SRP72: variants seen among roughly 807,000 people sequenced by gnomAD.
SRP72 encodes signal recognition particle subunit SRP72.
Under a neutral mutation model 96.3 loss-of-function variants are expected in SRP72, and 49 were observed. The observed-to-expected ratio is 0.51, with a 90% CI of 0.40 to 0.65. The LOEUF (loss-of-function observed/expected upper bound fraction) is 0.65, where lower values mean the gene tolerates loss of function less well. Among genes scored for constraint, SRP72 ranks in the 30% least tolerant of loss-of-function variants. The probability of loss-of-function intolerance (pLI) is 0.00; values close to 1 mark genes in which losing one functional copy is unlikely to be tolerated. For missense variants in SRP72, 736 were observed against 793.3 expected (o/e 0.93, Z 0.87); for synonymous variants, 267 against 275.2 (o/e 0.97, Z 0.30).
Position 56,489,451 on chromosome 4 carries a change from A to C in SRP72, c.1288A>C (p.Thr430Pro). 1 of 1,601,518 alleles carries C rather than the reference A, an allele frequency of 6.2e-7. No homozygotes were observed. Among genetic ancestry groups the C allele is most frequent in the East Asian group, 2.2e-5 (1 of 44,716 alleles). ...EDIDSAIEVF[T>P]QAIQWYQNHQ... ...TATTGATAGTGCCATTGAGGTCTTC[A>C]CACAAGCTATCCAGTGGTATCAAAA... The change falls in exon 13 of 19, where the codon ACA becomes CCA. Residue 430 changes from threonine to proline, a missense_variant. Around this residue, in one of 3 missense-constraint regions of SRP72, gnomAD observed 388 missense variants for 431.8 expected, o/e 0.90. Transcript: ENST00000642900.
chr4:56,473,965 T>TA, intron 3 of SRP72, 89 bp from the exon 4 acceptor site: 1 of 1,329,624 alleles, frequency 7.5e-7, no homozygotes, highest in South Asian at 1.5e-5. Context: ...CTAGGATTCC[T>TA]ACTTAGTGGT....
chr4:56,476,683 G>A lies in SRP72; in HGVS notation c.623G>A (p.Arg208His), dbSNP rs369761160. ...ILQKAEDLCR[R>H]SLSEDTDGTE... ...TTTTCTCCTGTAGATCTTTGCCGCC[G>A]TTCATTATCAGAAGACACTGTAAGT... Residue 208 changes from arginine to histidine, a missense_variant, in exon 6 of 19, where the codon CGT (arginine) becomes CAT (histidine). Arg to His is a conservative substitution (Grantham distance 29). Around this residue, in one of 3 missense-constraint regions of SRP72, gnomAD observed 329 missense variants for 319.0 expected, o/e 1.03. Coordinates refer to ENST00000642900, the MANE Select transcript of SRP72 (RefSeq NM_006947.4). 230 of 1,612,292 alleles carry A rather than the reference G, an allele frequency of 1.4e-4. No individual in the cohort carries two copies. The highest frequency in any genetic ancestry group is 3.4e-4 in the East Asian group (15 of 44,748).
At chr4:56,485,626 C>A (rs976452245) in intron 10 of SRP72, among the ~76,000 whole-genome samples, 1 of 151,968 alleles carries the variant, frequency 6.6e-6, no homozygotes, top group African/African-American at 2.4e-5. Flanking sequence ...CATGTTGAAA[C>A]CCCATCTCTA....
rs372041101 is a variant in SRP72, at chr4:56,469,657, A to G, written c.114A>G (p.Leu38=). ...TRALKTVNKI[L]QINKDDVTAL... is the part of the protein sequence containing the mutation. ...TTTCCTAAAATTGTTCTCTAGTACT[A>G]CAGATCAACAAAGATGACGTAACTG... The change falls in exon 2 of 19, where the codon CTA becomes CTG. Residue 38 remains leucine (L), a synonymous_variant. Coordinates refer to ENST00000642900, the MANE Select transcript of SRP72 (RefSeq NM_006947.4). 36 of 1,601,828 alleles carry G rather than the reference A, an allele frequency of 2.2e-5. No homozygotes were observed. The African/African-American group carries it at 2.9e-4, about 13-fold the overall frequency.
intron 2 of SRP72, among the ~76,000 whole-genome samples, chr4:56,471,162 A>G (rs1046904425): frequency 6.6e-6 from 1 of 152,098 alleles, no homozygotes; most frequent in African/African-American, 2.4e-5. Flanking sequence ...TTTGATAAAT[A>G]TTTTTCCTCA....
chr4:56,483,696 T>C (rs1482477546), intron 9 of SRP72, among the ~76,000 whole-genome samples: 2 of 152,090 alleles, frequency 1.3e-5, no homozygotes, highest in Non-Finnish European at 2.9e-5. Flanking sequence ...GAAAGAATAT[T>C]ATGTGTCATA....
At chr4:56,495,291 C>T in intron 16 of SRP72, 66 bp from the exon 17 acceptor site, 2 of 1,103,514 alleles carry the variant, frequency 1.8e-6, no homozygotes, top group Admixed American at 4.8e-5. Flanking sequence ...TCTTATAGAG[C>T]ACTTACTTAA....
At position 56,501,885 on chromosome 4, in the gene SRP72, G is replaced by A. The variant is rs144710632; in HGVS notation, c.*24G>A. The stretch of plus-strand genomic sequence containing the variant: ...GATGAGAATATTCTTGTTGCAGGCT[G>A]TTTTTAAACTAGTGTCAGTGACACT... On this transcript the variant is annotated 3_prime_UTR_variant, in exon 19 of 19. Transcript: ENST00000642900. The A allele has an allele frequency of 4.3e-4, 700 of 1,612,936 alleles. 3 individuals carry two copies. The African/African-American group carries it at 6.5e-3, about 15-fold the overall frequency.
At chr4:56,475,428 G>A (rs144156447) in intron 5 of SRP72, among the ~76,000 whole-genome samples, 3 of 151,946 alleles carry the variant, frequency 2.0e-5, no homozygotes, top group African/African-American at 4.8e-5. Context: ...GAGTGTGGTG[G>A]TACACACCTG....
At chr4:56,486,521 C>G (rs903550452) in intron 11 of SRP72, 124 bp downstream of exon 11, 2 of 693,618 alleles carry the variant, frequency 2.9e-6, no homozygotes, top group Non-Finnish European at 4.5e-6. Context: ...ATTACTGTTT[C>G]AAACATGCAG....
chr4:56,467,862 C>T, intron 1 of SRP72, 118 bp downstream of exon 1: 1 of 1,014,842 alleles, frequency 9.9e-7, no homozygotes, highest in South Asian at 2.2e-5. Context: ...CCGAAACCCC[C>T]CCGTCTATTG....
chr4:56,480,415 A>G (rs1720437690), intron 8 of SRP72, among the ~76,000 whole-genome samples: 1 of 152,086 alleles, frequency 6.6e-6, no homozygotes, highest in Non-Finnish European at 1.5e-5. Context: ...ACGTGCCACC[A>G]CACCCGGCTA....
intron 17 of SRP72, among the ~76,000 whole-genome samples, chr4:56,498,363 A>G (rs909214127): frequency 1.3e-5 from 2 of 152,196 alleles, no homozygotes; most frequent in Non-Finnish European, 2.9e-5. Flanking sequence ...GAAAACCGGC[A>G]CAAGACAAGG....
chr4:56,484,970 G>A (rs1183793827), intron 10 of SRP72, 106 bp downstream of exon 10: 1 of 1,325,232 alleles, frequency 7.5e-7, no homozygotes, highest in African/African-American at 1.5e-5. Flanking sequence ...AAACTAATCA[G>A]AAATGTACCA....
intron 10 of SRP72, among the ~76,000 whole-genome samples, chr4:56,485,343 C>A (rs1720663773): frequency 1.5e-5 from 2 of 135,022 alleles, no homozygotes; most frequent in Non-Finnish European, 3.1e-5. Context: ...TCCTGACAGA[C>A]AAAATTGCCT....
chr4:56,470,029 A>T (rs574745171), intron 2 of SRP72, among the ~76,000 whole-genome samples: 1 of 149,008 alleles, frequency 6.7e-6, no homozygotes, highest in African/African-American at 2.5e-5. Flanking sequence ...GAGGTGAACC[A>T]TAGAGAGTTG....
In SRP72 at chr4:56,501,995, A is replaced by G; in HGVS notation, c.*134A>G. ...ATTTTCATAATTTCTTGTGTTTCAA[A>G]TAGGGAAACATCTTCCTCAAAGTCT... On this transcript the variant is annotated 3_prime_UTR_variant, in exon 19 of 19. Coordinates refer to ENST00000642900, the MANE Select transcript of SRP72 (RefSeq NM_006947.4). 3 of 941,490 alleles carry G rather than the reference A, an allele frequency of 3.2e-6. No individual in the cohort carries two copies. The highest frequency in any genetic ancestry group is 3.3e-5 in the South Asian group (2 of 60,188). 58.3% of individuals were successfully genotyped at this position (941,490 alleles called of 1,614,324 possible).
In SRP72 at chr4:56,478,615, C is replaced by G. The variant is rs569175752; in HGVS notation, c.791C>G (p.Ala264Gly). 6 of 1,613,920 alleles carry G rather than the reference C, an allele frequency of 3.7e-6. No homozygotes were observed. The highest frequency in any genetic ancestry group is 1.7e-4 in the Middle Eastern group (1 of 6,024). Residue 264 changes from alanine (A) to glycine (G), a missense_variant, in exon 8 of 19, where the codon GCT (alanine) becomes GGT (glycine). Ala to Gly is a moderately conservative substitution (Grantham distance 60). Around this residue, in one of 3 missense-constraint regions of SRP72, gnomAD observed 329 missense variants for 319.0 expected, o/e 1.03. Coordinates refer to ENST00000642900, the MANE Select transcript of SRP72 (RefSeq NM_006947.4). ...KLKPTDVGLL[A>G]VIANNIITIN... is the part of the protein sequence containing the mutation. ...AGACCAACAGATGTGGGATTACTAG[C>G]TGTAATTGCAAATAACATCATTACC...
rs1720110443 is a variant in SRP72, at chr4:56,474,217, A to C, written c.498+20A>C. On this transcript the variant is annotated intron_variant, in intron 4 of 18. Transcript: ENST00000642900. Reference sequence around the variant, plus strand: ...GTTCCAGTGAGTATCCTTGTGGTGTACCCATACAGTCATGAATTATTATTC... The same window carrying C: ...GTTCCAGTGAGTATCCTTGTGGTGTCCCCATACAGTCATGAATTATTATTC... The C allele has an allele frequency of 2.5e-6, 4 of 1,613,708 alleles. No individual in the cohort carries two copies. The highest frequency in any genetic ancestry group is 1.3e-5 in the African/African-American group (1 of 74,902).
Sources: allele counts gnomAD v4.1 joint callset (sites outside exome capture counted in the v4.1 genomes callset), GRCh38; gene constraint gnomAD v4.1.1; regional missense constraint gnomAD v4.1.1; transcripts MANE v1.5; gene names NCBI Gene and HGNC (gene_info 2026-07-23, HGNC 2026-07-21).